DNAH14: variants seen among roughly 807,000 people sequenced by gnomAD.
DNAH14 encodes the protein dynein axonemal heavy chain 14.
Under a neutral mutation model 520.9 loss-of-function variants are expected in DNAH14, and 478 were observed. The observed-to-expected ratio is 0.92, with a 90% CI of 0.85 to 0.99. DNAH14 has a LOEUF of 0.99. DNAH14 is among the 50% of genes least tolerant of loss of function. DNAH14 has a pLI of 0.00. For synonymous variants in DNAH14, 1,581 were observed against 1,757.2 expected, an observed-to-expected ratio of 0.90 and a Z score of 2.51; for missense variants, 4,831 against 5,234.5, an observed-to-expected ratio of 0.92 and a Z score of 2.38.
At chr1:225,154,955 A>G (rs1474414497) in intron 34 of DNAH14, among the ~76,000 whole-genome samples, 1 of 152,158 alleles carries the variant, frequency 6.6e-6, no homozygotes, top group Admixed American at 6.5e-5. Context: ...GAAAAAATCA[A>G]CAGGAAAATG....
intron 79 of DNAH14, among the ~76,000 whole-genome samples, chr1:225,377,803 AAC>A (rs138407486): frequency 0.071 from 10,765 of 152,262 alleles, 457 homozygotes; most frequent in East Asian, 0.11. Context: ...AACAAATTTT[AAC>A]ACTTTTAAAA....
At chr1:225,036,090 T>A (rs2066935791) in intron 11 of DNAH14, among the ~76,000 whole-genome samples, 1 of 152,180 alleles carries the variant, frequency 6.6e-6, no homozygotes, top group South Asian at 2.1e-4. Flanking sequence ...CTGTCTGAGT[T>A]AGGTCAGAGA....
chr1:225,099,069 T>C (rs2075230468), intron 22 of DNAH14, among the ~76,000 whole-genome samples: 1 of 152,150 alleles, frequency 6.6e-6, no homozygotes, highest in South Asian at 2.1e-4. Flanking sequence ...CAGTGCCATT[T>C]ACCAGAGCTC....
chr1:225,207,790 CATT>C (rs2087785348), intron 41 of DNAH14, among the ~76,000 whole-genome samples: 1 of 152,134 alleles, frequency 6.6e-6, no homozygotes, highest in Non-Finnish European at 1.5e-5. Flanking sequence ...ATATAGAAAT[CATT>C]ATAAATCCCT....
chr1:225,107,979 C>T (rs2076211576), intron 23 of DNAH14, among the ~76,000 whole-genome samples: 1 of 152,082 alleles, frequency 6.6e-6, no homozygotes, highest in Non-Finnish European at 1.5e-5. Flanking sequence ...AAGTATTGTT[C>T]CTGGGTGTGT....
intron 49 of DNAH14, 38 bp from the exon 50 acceptor site, chr1:225,270,697 A>G: frequency 1.3e-6 from 2 of 1,539,844 alleles, no homozygotes; most frequent in Non-Finnish European, 1.8e-6. Context: ...CTTCCTACAG[A>G]TACATTCAGT....
chr1:225,392,285 C>T lies in DNAH14; in HGVS notation c.13331-6C>T, dbSNP rs2150859040. ...GGAACTTGATGGTGTGTGTTCTTCT[C>T]CAAAGCCTTTCTTGCTGCTGTGCTT... is the stretch of plus-strand genomic sequence containing the variant. On this transcript the variant is annotated splice_region_variant and splice_polypyrimidine_tract_variant and intron_variant, in intron 83 of 85. Transcript: ENST00000682510. 1.9e-6 allele frequency: 3 copies of T among 1,552,312 alleles called. No individual in the cohort carries two copies. Among genetic ancestry groups the T allele is most frequent in the East Asian group, 4.9e-5 (2 of 40,918 alleles).
rs1359225669 is a variant in DNAH14 at position 225,345,947 on chromosome 1, T to C, written c.10679-15T>C. ...CAATAGTCTTTATTTAACTTCACTT[T>C]TTGTTTGTCTTTAGGATCCATATTA... On this transcript the variant is annotated splice_polypyrimidine_tract_variant and intron_variant, in intron 69 of 85. Transcript: ENST00000682510. 1.1e-5 allele frequency: 17 copies of C among 1,530,496 alleles called. No homozygotes were observed. The highest frequency in any genetic ancestry group is 1.5e-5 in the Non-Finnish European group (17 of 1,136,096). 94.8% of individuals were successfully genotyped at this position (1,530,496 alleles called of 1,614,324 possible). A position where few individuals can be genotyped will look rare whatever the true frequency, so the allele number is the denominator to read the frequency against.
At chr1:225,199,394 T>C (rs2086536175) in intron 38 of DNAH14, among the ~76,000 whole-genome samples, 1 of 152,190 alleles carries the variant, frequency 6.6e-6, no homozygotes, top group Non-Finnish European at 1.5e-5. Context: ...GTTTGGTTTG[T>C]TCTTGTTTCT....
At chr1:225,360,630 G>A in intron 74 of DNAH14, 51 bp from the exon 75 acceptor site, 1 of 1,438,572 alleles carries the variant, frequency 7.0e-7, no homozygotes, top group East Asian at 2.5e-5. Context: ...ATTTTTAAAA[G>A]GGAATTAAAT....
chr1:225,013,249 G>T (rs2064943349), intron 10 of DNAH14, among the ~76,000 whole-genome samples: 1 of 152,060 alleles, frequency 6.6e-6, no homozygotes, highest in Non-Finnish European at 1.5e-5. Context: ...GCTGGAGTTT[G>T]CTGGGAGTCC....
At chr1:224,982,004 T>A (rs997038434) in intron 8 of DNAH14, among the ~76,000 whole-genome samples, 2 of 152,176 alleles carry the variant, frequency 1.3e-5, no homozygotes, top group Non-Finnish European at 2.9e-5. Flanking sequence ...GGGTAAATAC[T>A]AGGGACAATA....
intron 5 of DNAH14, among the ~76,000 whole-genome samples, chr1:224,965,042 T>G (rs1041230737): frequency 2.6e-5 from 4 of 152,154 alleles, no homozygotes; most frequent in Non-Finnish European, 4.4e-5. Context: ...GGTCTGTATT[T>G]CCTTATGCTA....
chr1:225,233,614 G>A (rs1025332446), intron 42 of DNAH14, among the ~76,000 whole-genome samples: 1 of 151,922 alleles, frequency 6.6e-6, no homozygotes, highest in East Asian at 1.9e-4. Context: ...ATCTGTTCAT[G>A]TCTTTTGCCC....
intron 68 of DNAH14, among the ~76,000 whole-genome samples, chr1:225,339,025 G>A (rs1206796883): frequency 6.6e-6 from 1 of 152,020 alleles, no homozygotes; most frequent in Non-Finnish European, 1.5e-5. Context: ...GGCCGGGCGT[G>A]GTGGCGCACG....
chr1:224,977,422 G>T (rs1572192842), intron 8 of DNAH14, among the ~76,000 whole-genome samples: 1 of 152,174 alleles, frequency 6.6e-6, no homozygotes, highest in East Asian at 1.9e-4. Context: ...CACCGGCATG[G>T]CACACGTATA....
chr1:225,290,101 T>C lies in DNAH14; in HGVS notation c.8469+19T>C. 2 of 1,356,014 alleles carry C rather than the reference T, an allele frequency of 1.5e-6. No homozygotes were observed. Among genetic ancestry groups the C allele is most frequent in the Admixed American group, 3.2e-5 (1 of 30,788 alleles). 84.0% of individuals were successfully genotyped at this position (1,356,014 alleles called of 1,614,324 possible). A position where few individuals can be genotyped will look rare whatever the true frequency, so the allele number is the denominator to read the frequency against. Reference sequence around the variant, plus strand: ...AGAACAAGTAAGTACTTTTTGTCTTTGCTATTTGCTGAAGTTTGATATCTA... The same window carrying C: ...AGAACAAGTAAGTACTTTTTGTCTTCGCTATTTGCTGAAGTTTGATATCTA... On this transcript the variant is annotated intron_variant, in intron 55 of 85. Coordinates refer to ENST00000682510, the MANE Select transcript of DNAH14 (RefSeq NM_001367479.1).
chr1:225,326,458 AGGTATGGGGCCAGGTTAGGCAAT>A (rs140790800), intron 64 of DNAH14, among the ~76,000 whole-genome samples: 7,936 of 152,212 alleles, frequency 0.052, 667 homozygotes, highest in African/African-American at 0.18. Flanking sequence ...TTTGAAGAGA[AGGTATGGGGCCAGGTTAGGCAAT>A]GTGTGGCTGT....
At chr1:225,369,136 A>C (rs553470872) in intron 77 of DNAH14, among the ~76,000 whole-genome samples, 29 of 152,290 alleles carry the variant, frequency 1.9e-4, no homozygotes, top group African/African-American at 7.0e-4. Context: ...TAAATTAACA[A>C]AGAAAAAAAG....
Sources: gnomAD v4.1 joint callset for allele counts (sites outside exome capture counted in the v4.1 genomes callset) on GRCh38, gnomAD v4.1.1 for gene constraint, MANE v1.5 for transcripts, NCBI Gene and HGNC (gene_info 2026-07-23, HGNC 2026-07-21) for gene names.